The following KDM5A variants were observed in gnomAD, a reference collection of about 807,000 sequenced individuals.
KDM5A encodes the protein lysine demethylase 5A.
Under a neutral mutation model 193.5 loss-of-function variants are expected in KDM5A, and 42 were observed. The observed-to-expected ratio is 0.22, with a 90% CI of 0.17 to 0.28. The LOEUF (loss-of-function observed/expected upper bound fraction) is 0.28, where lower values mean the gene tolerates loss of function less well. KDM5A is among the 10% of genes least tolerant of loss of function. The pLI, the probability that KDM5A is intolerant of heterozygous loss-of-function variation, is 1.00. For missense variants in KDM5A, 1,692 were observed against 2,055.1 expected (o/e 0.82, Z 3.42); for synonymous variants, 796 against 718.1 (o/e 1.11, Z -1.73).
chr12:322,783 T>C (rs1943734787), intron 16 of KDM5A, among the ~76,000 whole-genome samples: 1 of 152,170 alleles, frequency 6.6e-6, no homozygotes, highest in Admixed American at 6.5e-5. Flanking sequence ...CTCAGGTAAA[T>C]AAATTTCTCT....
At chr12:321,898 C>T (rs1323279410) in intron 17 of KDM5A, among the ~76,000 whole-genome samples, 3 of 151,900 alleles carry the variant, frequency 2.0e-5, no homozygotes, top group Admixed American at 1.3e-4. Context: ...AAAAAAAATC[C>T]CTGATATTCT....
intron 10 of KDM5A, among the ~76,000 whole-genome samples, chr12:339,368 CTT>C (rs57487005): frequency 0.07 from 10,682 of 152,122 alleles, 829 homozygotes; most frequent in East Asian, 0.35. Flanking sequence ...ATTTCATACA[CTT>C]TGTCTAATTA....
In KDM5A at chr12:282,824, T is replaced by C. The variant is rs1943172462; in HGVS notation, c.*2632A>G. The C allele has an allele frequency of 8.6e-6, 2 of 232,518 alleles. No individual in the cohort carries two copies. Among genetic ancestry groups the C allele is most frequent in the African/African-American group, 4.4e-5 (2 of 45,316 alleles). The allele number at this position is 232,518 out of a possible 1,614,324, so 14.4% of individuals were successfully genotyped here. On this transcript the variant is annotated 3_prime_UTR_variant, in exon 28 of 28. Coordinates refer to ENST00000399788, the MANE Select transcript of KDM5A (RefSeq NM_001042603.3). ...AGTAATTTTCTCTAAGTGAAAATAA[T>C]GCTTTGTATTAGAACACCAACATTT...
intron 10 of KDM5A, among the ~76,000 whole-genome samples, chr12:342,217 T>C (rs1488006338): frequency 6.6e-6 from 1 of 152,198 alleles, no homozygotes; most frequent in East Asian, 1.9e-4. Context: ...ACTATGCAAC[T>C]TTATCATGTG....
At chr12:363,819 A>G (rs1268947886) in intron 4 of KDM5A, among the ~76,000 whole-genome samples, 1 of 152,188 alleles carries the variant, frequency 6.6e-6, no homozygotes, top group African/African-American at 2.4e-5. Context: ...TGAAAAGATA[A>G]CAGACTAGGA....
intron 27 of KDM5A, among the ~76,000 whole-genome samples, chr12:291,036 C>T (rs887981400): frequency 1.3e-5 from 2 of 152,068 alleles, no homozygotes; most frequent in Admixed American, 1.3e-4. Context: ...TCTTCATCAG[C>T]CTCTTTAACA....
chr12:389,251 C>T lies in KDM5A; in HGVS notation c.-160G>A, dbSNP rs771403046. 1 of 767,212 alleles carries T rather than the reference C, an allele frequency of 1.3e-6. No individual in the cohort carries two copies. The highest frequency in any genetic ancestry group is 1.4e-5 in the South Asian group (1 of 69,760). 47.5% of individuals were successfully genotyped at this position (767,212 alleles called of 1,614,324 possible). A position where few individuals can be genotyped will look rare whatever the true frequency, so the allele number is the denominator to read the frequency against. On this transcript the variant is annotated 5_prime_UTR_variant, in exon 1 of 28. Transcript: ENST00000399788. ...AAACCCCAGAATCGCTTCCTCCTCC[C>T]GTTTGTTATTGTTTCTTGCAAGGCT...
intron 3 of KDM5A, among the ~76,000 whole-genome samples, chr12:382,652 C>A (rs111762788): frequency 6.6e-6 from 1 of 152,086 alleles, no homozygotes; most frequent in Admixed American, 6.6e-5. Flanking sequence ...TTTAGCCGGG[C>A]GCGGTGGCTC....
rs1943199105 is a variant in KDM5A, at chr12:284,802, C to T, written c.*654G>A. 4.3e-6 allele frequency: 1 copy of T among 233,584 alleles called. No individual in the cohort carries two copies. The highest frequency in any genetic ancestry group is 5.6e-5 in the Admixed American group (1 of 17,902). 14.5% of individuals were successfully genotyped at this position (233,584 alleles called of 1,614,324 possible). ...AGATTTCTGATCTAGATGATATCCT[C>T]ATCTTACAAAGATAAGGTGACCTGC... is the stretch of plus-strand genomic sequence containing the variant. On this transcript the variant is annotated 3_prime_UTR_variant, in exon 28 of 28. Coordinates refer to ENST00000399788, the MANE Select transcript of KDM5A (RefSeq NM_001042603.3).
intron 3 of KDM5A, 96 bp downstream of exon 3, chr12:383,935 A>G: frequency 7.6e-7 from 1 of 1,321,486 alleles, no homozygotes; most frequent in Non-Finnish European, 1.1e-6. Context: ...TTGTCAAACA[A>G]ATCCTCTATT....
intron 20 of KDM5A, among the ~76,000 whole-genome samples, chr12:311,590 C>T (rs966928452): frequency 1.3e-5 from 2 of 152,068 alleles, no homozygotes; most frequent in African/African-American, 4.8e-5. Context: ...CTCAGACATT[C>T]GAAGACAACA....
Position 287,737 on chromosome 12 carries a change from A to G in KDM5A, c.4867-2075T>C, listed in dbSNP as rs142979575. ...TGAACCAACAGTTACCTTCACCCTT[A>G]CACCTCCAACCCTCTTTCTTAATCC... On this transcript the variant is annotated intron_variant, in intron 27 of 27. Transcript: ENST00000399788. 1.6e-3 allele frequency among the ~76,000 whole-genome samples: 244 copies of G among 152,280 alleles called. 1 individual carries two copies. Among genetic ancestry groups the G allele is most frequent in the African/African-American group, 5.5e-3 (227 of 41,560 alleles).
chr12:329,211 T>G, intron 13 of KDM5A, 182 bp from the exon 14 acceptor site: 1 of 611,542 alleles, frequency 1.6e-6, no homozygotes, highest in South Asian at 2.0e-5. Context: ...AGCCAGAGTT[T>G]CAAAGGCTTT....
chr12:357,827 CAAA>C (rs61577928), intron 5 of KDM5A, among the ~76,000 whole-genome samples: 11 of 29,862 alleles, frequency 3.7e-4, no homozygotes, highest in Non-Finnish European at 4.6e-4. Flanking sequence ...GACTCAGTCT[CAAA>C]AAAAAAAAAA....
rs7958879 is a variant in KDM5A, at chr12:343,962, T to C, written c.1308+6659A>G. On this transcript the variant is annotated intron_variant, in intron 10 of 27. Coordinates refer to ENST00000399788, the MANE Select transcript of KDM5A (RefSeq NM_001042603.3). ...GTTCAGAAGGTCAGTAAAAACAAACTTCTCCGAGCTAAAGGAGGATGTTCA... is the reference window on the plus strand; with the variant it reads ...GTTCAGAAGGTCAGTAAAAACAAACCTCTCCGAGCTAAAGGAGGATGTTCA... 3.0e-3 allele frequency among the ~76,000 whole-genome samples: 452 copies of C among 152,274 alleles called. 1 individual carries two copies. The highest frequency in any genetic ancestry group is 0.01 in the African/African-American group (431 of 41,548).
Position 326,864 on chromosome 12 carries a change from C to CAAAAAAAA in KDM5A, c.1968+1963_1968+1970dup, listed in dbSNP as rs61571425. On this transcript the variant is annotated intron_variant, in intron 14 of 27. Coordinates refer to ENST00000399788, the MANE Select transcript of KDM5A (RefSeq NM_001042603.3). The stretch of plus-strand genomic sequence containing the variant: ...TGGGTGACAGAGCTAGACTCTGTCT[C>CAAAAAAAA]AAAAAAAAAAAAAAAAAAAAAAAAA... Among the ~76,000 whole-genome samples, 17 of 85,992 alleles carry CAAAAAAAA rather than the reference C, an allele frequency of 2.0e-4. No homozygotes were observed. The East Asian group carries it at 2.6e-3, about 13-fold the overall frequency. The allele number at this position is 85,992 out of a possible 152,430, so 56.4% of individuals were successfully genotyped here. A position where few individuals can be genotyped will look rare whatever the true frequency, so the allele number is the denominator to read the frequency against.
intron 3 of KDM5A, among the ~76,000 whole-genome samples, chr12:374,839 G>GT (rs764331446): frequency 1.6e-4 from 25 of 152,010 alleles, no homozygotes; most frequent in Non-Finnish European, 3.2e-4. Context: ...ATGAAGCTTA[G>GT]TTTGGCTGGA....
chr12:371,122 T>C (rs1944422428), intron 3 of KDM5A, among the ~76,000 whole-genome samples: 1 of 152,206 alleles, frequency 6.6e-6, no homozygotes, highest in Non-Finnish European at 1.5e-5. Context: ...ATCCTTTGGG[T>C]ATATACCCAG....
chr12:315,720 G>A (rs912204274), intron 19 of KDM5A, among the ~76,000 whole-genome samples: 3 of 152,070 alleles, frequency 2.0e-5, no homozygotes, highest in African/African-American at 7.2e-5. Flanking sequence ...GAAGGGAAGA[G>A]TCAAAGCTAA....
Sources: gnomAD v4.1 joint callset for allele counts (sites outside exome capture counted in the v4.1 genomes callset) on GRCh38, gnomAD v4.1.1 for gene constraint, MANE v1.5 for transcripts, NCBI Gene and HGNC (gene_info 2026-07-23, HGNC 2026-07-21) for gene names.